The following PBX3 variants were observed in gnomAD, a reference collection of about 807,000 sequenced individuals.
PBX3 encodes the protein pre-B-cell leukemia transcription factor 3.
A neutral mutation model predicts 48.5 loss-of-function variants in PBX3; 14 were observed. That is an observed-to-expected ratio of 0.29 (90% CI 0.19 to 0.45). The LOEUF (loss-of-function observed/expected upper bound fraction) is 0.45. Among genes scored for constraint, PBX3 ranks in the 20% least tolerant of loss-of-function variants. PBX3 has a pLI of 1.00. For synonymous variants in PBX3, 210 were observed against 200.3 expected, an observed-to-expected ratio of 1.05 and a Z score of -0.41; for missense variants, 386 against 546.7, an observed-to-expected ratio of 0.71 and a Z score of 2.93.
chr9:125,800,735 G>A (rs954477382), intron 2 of PBX3, among the ~76,000 whole-genome samples: 1 of 150,368 alleles, frequency 6.7e-6, no homozygotes, highest in Non-Finnish European at 1.5e-5. Flanking sequence ...ACACTAATCT[G>A]AGCGCTTGGA....
intron 2 of PBX3, among the ~76,000 whole-genome samples, chr9:125,752,842 A>G (rs1836413470): frequency 6.6e-6 from 1 of 152,192 alleles, no homozygotes. Context: ...TATTTCCAAT[A>G]TAATTATCAT....
chr9:125,934,642 C>T (rs1012920070), intron 4 of PBX3, among the ~76,000 whole-genome samples: 11 of 152,140 alleles, frequency 7.2e-5, no homozygotes, highest in African/African-American at 2.7e-4. Context: ...TGAAGGAAAT[C>T]ATACCTCAGT....
Position 125,747,524 on chromosome 9 carries a change from G to A in PBX3, c.71G>A (p.Gly24Asp), listed in dbSNP as rs1836222161. ...CTGGCTGGCCACTCGGTGCAGGGGG[G>A]CATGGCCCTGCCGCCTCCCCCGCAC... ...VNLAGHSVQG[G>D]MALPPPPHGH... The change falls in exon 1 of 9, where the codon GGC becomes GAC. Residue 24 changes from glycine (G) to aspartate (D), a missense_variant. Physicochemically the swap from Gly to Asp is moderately conservative, Grantham distance 94. This residue lies in a region of PBX3 where 116 missense variants were observed against 98.2 expected (regional missense o/e 1.18). Coordinates refer to ENST00000373489, the MANE Select transcript of PBX3 (RefSeq NM_006195.6). 1.3e-6 allele frequency: 2 copies of A among 1,599,916 alleles called. No homozygotes were observed. The highest frequency in any genetic ancestry group is 1.7e-5 in the Admixed American group (1 of 58,874).
intron 2 of PBX3, among the ~76,000 whole-genome samples, chr9:125,761,073 A>G (rs948952053): frequency 1.3e-5 from 2 of 152,220 alleles, no homozygotes; most frequent in Non-Finnish European, 2.9e-5. Flanking sequence ...TTAGTGAACA[A>G]TTGAGCTTTT....
intron 2 of PBX3, among the ~76,000 whole-genome samples, chr9:125,818,739 C>T (rs566709665): frequency 6.6e-5 from 10 of 152,106 alleles, no homozygotes; most frequent in Admixed American, 3.9e-4. Flanking sequence ...AAAACCTGCC[C>T]GCCTCAGCTT....
chr9:125,750,181 T>C (rs764155154), intron 2 of PBX3, among the ~76,000 whole-genome samples: 7 of 152,246 alleles, frequency 4.6e-5, no homozygotes, highest in Non-Finnish European at 1.0e-4. Context: ...CACTTCAGTT[T>C]CTGCTGACAG....
intron 5 of PBX3, among the ~76,000 whole-genome samples, chr9:125,940,513 G>A (rs140014188): frequency 3.3e-5 from 5 of 152,312 alleles, no homozygotes; most frequent in African/African-American, 1.2e-4. Flanking sequence ...TGATAGAAAT[G>A]TGTACACATA....
At chr9:125,876,140 T>C (rs1462565820) in intron 2 of PBX3, among the ~76,000 whole-genome samples, 3 of 152,252 alleles carry the variant, frequency 2.0e-5, no homozygotes, top group African/African-American at 7.2e-5. Context: ...TAATATGCTG[T>C]GTGCTTCCTT....
At chr9:125,830,481 A>T (rs1838928096) in intron 2 of PBX3, among the ~76,000 whole-genome samples, 2 of 151,990 alleles carry the variant, frequency 1.3e-5, no homozygotes, top group Admixed American at 6.5e-5. Flanking sequence ...AAAAGTACTT[A>T]TTTATAGGTG....
At chr9:125,941,964 T>C (rs1293637589) in intron 5 of PBX3, among the ~76,000 whole-genome samples, 1 of 152,228 alleles carries the variant, frequency 6.6e-6, no homozygotes, top group African/African-American at 2.4e-5. Flanking sequence ...TCTACTGTAG[T>C]TGAAATGTAC....
intron 2 of PBX3, among the ~76,000 whole-genome samples, chr9:125,880,094 G>C (rs976558495): frequency 1.3e-5 from 2 of 152,202 alleles, no homozygotes; most frequent in Non-Finnish European, 2.9e-5. Flanking sequence ...GCCCAGGCGG[G>C]AGTACAGTGG....
rs72752622 is a variant in PBX3, at chr9:125,829,535, G to A, written c.274+80912G>A. ...GGTTGCTTTAAACTTTTGTACATAC[G>A]TAAGTTTTGGTGCAATTTAGTTAAA... On this transcript the variant is annotated intron_variant, in intron 2 of 8. Transcript: ENST00000373489. Among the ~76,000 whole-genome samples the A allele has an allele frequency of 7.4e-3, 1,133 of 152,196 alleles. 16 individuals are homozygous for A. Among genetic ancestry groups the A allele is most frequent in the Non-Finnish European group, 9.0e-3 (613 of 67,998 alleles).
At chr9:125,910,497 A>AT (rs1424507666) in intron 2 of PBX3, among the ~76,000 whole-genome samples, 1 of 151,836 alleles carries the variant, frequency 6.6e-6, no homozygotes, top group East Asian at 1.9e-4. Context: ...CCAGTGCTGC[A>AT]TTTTTCCTCA....
At chr9:125,937,392 A>T (rs1387542171) in intron 5 of PBX3, among the ~76,000 whole-genome samples, 1 of 152,000 alleles carries the variant, frequency 6.6e-6, no homozygotes. Context: ...AATTTATTTC[A>T]CTTGTTTTCT....
At chr9:125,790,948 C>T (rs548615304) in intron 2 of PBX3, among the ~76,000 whole-genome samples, 35 of 149,022 alleles carry the variant, frequency 2.3e-4, no homozygotes, top group Non-Finnish European at 3.6e-4. Context: ...GAGTCTTGCT[C>T]TGTTGCCCAG....
At position 125,903,906 on chromosome 9, in the gene PBX3, CTA is replaced by C. The variant is rs1841009960; in HGVS notation, c.275-11778_275-11777del. On this transcript the variant is annotated intron_variant, in intron 2 of 8. Transcript: ENST00000373489. ...GCTTTTTCACCTTCCAGCTGTGTGA[CTA>C]TGAGCAATGGATCTAACTGTGGTGT... Among the ~76,000 whole-genome samples the C allele has an allele frequency of 2.0e-5, 3 of 151,874 alleles. No homozygotes were observed. The South Asian group carries it at 6.2e-4, about 31-fold the overall frequency.
chr9:125,809,651 C>T (rs1014022586), intron 2 of PBX3, among the ~76,000 whole-genome samples: 24 of 151,482 alleles, frequency 1.6e-4, no homozygotes, highest in African/African-American at 5.6e-4. Context: ...TCAGGGTGGG[C>T]GAAAGATTTC....
At chr9:125,796,623 A>G (rs1837788363) in intron 2 of PBX3, among the ~76,000 whole-genome samples, 1 of 152,164 alleles carries the variant, frequency 6.6e-6, no homozygotes, top group African/African-American at 2.4e-5. Flanking sequence ...TTCTCTTCCT[A>G]TCTGCTATTT....
intron 2 of PBX3, among the ~76,000 whole-genome samples, chr9:125,896,634 T>C (rs1227428290): frequency 6.6e-6 from 1 of 152,074 alleles, no homozygotes; most frequent in Non-Finnish European, 1.5e-5. Context: ...TAAGTAATCA[T>C]TTATTGTTTA....
Sources: gnomAD v4.1 joint callset for allele counts (sites outside exome capture counted in the v4.1 genomes callset) on GRCh38, gnomAD v4.1.1 for gene constraint, gnomAD v4.1.1 regional missense constraint, MANE v1.5 for transcripts, NCBI Gene and HGNC (gene_info 2026-07-23, HGNC 2026-07-21) for gene names.